Variants in SYT1 observed in about 807,000 individuals in gnomAD.
SYT1 encodes the protein synaptotagmin 1, also known as synaptotagmin-1.
SYT1 carries 8 observed loss-of-function variants against 44.8 expected under a neutral mutation model. That is an observed-to-expected ratio of 0.18 (90% CI 0.10 to 0.32). The LOEUF (loss-of-function observed/expected upper bound fraction) is 0.32. Among genes scored for constraint, SYT1 ranks in the 10% least tolerant of loss-of-function variants. SYT1 has a pLI of 1.00. For missense variants in SYT1, 286 were observed against 509.3 expected, an observed-to-expected ratio of 0.56 and a Z score of 4.22; for synonymous variants, 154 against 188.8, an observed-to-expected ratio of 0.82 and a Z score of 1.51.
intron 8 of SYT1, among the ~76,000 whole-genome samples, chr12:79,350,066 G>A (rs1882820557): frequency 6.6e-6 from 1 of 152,012 alleles, no homozygotes; most frequent in Admixed American, 6.6e-5. Context: ...GTACTGGCAT[G>A]AGTCTTTAAA....
intron 2 of SYT1, among the ~76,000 whole-genome samples, chr12:79,036,896 A>G (rs1475301829): frequency 1.3e-5 from 2 of 151,802 alleles, no homozygotes; most frequent in African/African-American, 4.8e-5. Context: ...TGGAGAATCA[A>G]CTTCTCCCAC....
At chr12:79,167,663 C>G (rs1483584630) in intron 3 of SYT1, among the ~76,000 whole-genome samples, 1 of 151,902 alleles carries the variant, frequency 6.6e-6, no homozygotes, top group Non-Finnish European at 1.5e-5. Context: ...ATGTCAGGGA[C>G]TGAATATTTG....
chr12:79,002,606 T>C (rs903955282), intron 2 of SYT1, among the ~76,000 whole-genome samples: 2 of 152,030 alleles, frequency 1.3e-5, no homozygotes, highest in African/African-American at 4.8e-5. Flanking sequence ...TCATGCTGTT[T>C]TTATTTAAAT....
At chr12:79,233,053 C>T (rs918684227) in intron 4 of SYT1, among the ~76,000 whole-genome samples, 2 of 151,958 alleles carry the variant, frequency 1.3e-5, no homozygotes, top group African/African-American at 2.4e-5. Flanking sequence ...CCTTTCTTTC[C>T]TCCTTGCCCC....
At chr12:78,925,509 T>A (rs1424137262) in intron 1 of SYT1, among the ~76,000 whole-genome samples, 1 of 151,754 alleles carries the variant, frequency 6.6e-6, no homozygotes, top group Non-Finnish European at 1.5e-5. Context: ...GTTCTAGGAG[T>A]TTTTTCCTCC....
intron 9 of SYT1, among the ~76,000 whole-genome samples, chr12:79,362,649 C>T (rs182673900): frequency 7.0e-6 from 1 of 142,910 alleles, no homozygotes; most frequent in Non-Finnish European, 1.5e-5. Context: ...CTAGGAACAG[C>T]GGGACTTTGT....
At chr12:79,238,410 T>A (rs1380908885) in intron 4 of SYT1, among the ~76,000 whole-genome samples, 1 of 152,182 alleles carries the variant, frequency 6.6e-6, no homozygotes, top group Non-Finnish European at 1.5e-5. Context: ...AGAGGGCCAG[T>A]GGATTTAGAG....
At chr12:79,159,367 A>G (rs1870804278) in intron 3 of SYT1, among the ~76,000 whole-genome samples, 1 of 152,170 alleles carries the variant, frequency 6.6e-6, no homozygotes, top group South Asian at 2.1e-4. Flanking sequence ...AGAAGACAGA[A>G]TGGCTGGGAA....
intron 1 of SYT1, among the ~76,000 whole-genome samples, chr12:78,900,273 A>G (rs1052075763): frequency 2.0e-5 from 3 of 152,106 alleles, no homozygotes; most frequent in South Asian, 4.1e-4. Context: ...GCACTCTTCT[A>G]TTACTAATAC....
chr12:79,136,547 CT>C (rs1869203220), intron 3 of SYT1, among the ~76,000 whole-genome samples: 1 of 152,142 alleles, frequency 6.6e-6, no homozygotes, highest in African/African-American at 2.4e-5. Flanking sequence ...CTACATATTA[CT>C]ATTATACTAT....
chr12:79,083,143 G>GA (rs1157056703), intron 3 of SYT1, among the ~76,000 whole-genome samples: 2 of 151,920 alleles, frequency 1.3e-5, no homozygotes, highest in Non-Finnish European at 2.9e-5. Context: ...TTTCATTGAG[G>GA]AAAAAATTAT....
intron 4 of SYT1, among the ~76,000 whole-genome samples, chr12:79,230,797 C>A (rs1356826383): frequency 2.6e-5 from 4 of 152,134 alleles, no homozygotes; most frequent in Non-Finnish European, 4.4e-5. Context: ...AGTTTCTAAA[C>A]TTTATTCAGC....
chr12:79,152,555 G>C (rs1401911406), intron 3 of SYT1, among the ~76,000 whole-genome samples: 1 of 152,066 alleles, frequency 6.6e-6, no homozygotes, highest in Non-Finnish European at 1.5e-5. Flanking sequence ...GGAATATTAT[G>C]TGAGGAATTA....
chr12:79,030,243 G>T (rs981373086), intron 2 of SYT1, among the ~76,000 whole-genome samples: 2 of 150,894 alleles, frequency 1.3e-5, no homozygotes, highest in African/African-American at 2.4e-5. Flanking sequence ...ACCTGAATTT[G>T]CTCTTTGTTG....
At chr12:79,441,344 C>T (rs780457983) in intron 9 of SYT1, among the ~76,000 whole-genome samples, 6 of 152,098 alleles carry the variant, frequency 3.9e-5, no homozygotes, top group Non-Finnish European at 5.9e-5. Context: ...TTGTGAGATT[C>T]TGCCTCTGTT....
chr12:79,252,705 G>A (rs1011713454), intron 4 of SYT1, among the ~76,000 whole-genome samples: 7 of 152,148 alleles, frequency 4.6e-5, no homozygotes, highest in African/African-American at 1.7e-4. Context: ...TAGACCTGTA[G>A]CATGAGTGAG....
intron 1 of SYT1, among the ~76,000 whole-genome samples, chr12:78,936,975 C>A (rs538732021): frequency 1.3e-5 from 2 of 152,160 alleles, no homozygotes; most frequent in Admixed American, 6.6e-5. Context: ...TTAATGATGA[C>A]ATTTCAAAAG....
intron 9 of SYT1, among the ~76,000 whole-genome samples, chr12:79,429,731 G>A (rs141869010): frequency 0.013 from 1,969 of 152,102 alleles, 26 homozygotes; most frequent in Middle Eastern, 0.048. Context: ...GGGTTTCACC[G>A]TGTTAGCCAG....
At position 79,296,087 on chromosome 12, in the gene SYT1, C is replaced by G. The variant is rs748834320; in HGVS notation, c.493C>G (p.Gln165Glu). The G allele has an allele frequency of 6.2e-7, 1 of 1,611,834 alleles. No homozygotes were observed. The highest frequency in any genetic ancestry group is 8.5e-7 in the Non-Finnish European group (1 of 1,179,184). ...QNNQLLVGII[Q>E]AAELPALDMG... ...ATTTCAGCTGCTGGTAGGGATCATTCAGGCTGCCGAACTGCCCGCCTTGGA... is the reference window on the plus strand; with the variant it reads ...ATTTCAGCTGCTGGTAGGGATCATTGAGGCTGCCGAACTGCCCGCCTTGGA... The change falls in exon 7 of 11, where the codon CAG becomes GAG. Residue 165 changes from glutamine to glutamate, a missense_variant. By Grantham distance (29) the Gln-to-Glu change is conservative. Around this residue, in one of 6 missense-constraint regions of SYT1, gnomAD observed 81 missense variants for 164.9 expected, o/e 0.49. Transcript: ENST00000261205.
Sources: allele counts gnomAD v4.1 joint callset (sites outside exome capture counted in the v4.1 genomes callset), GRCh38; gene constraint gnomAD v4.1.1; regional missense constraint gnomAD v4.1.1; transcripts MANE v1.5; gene names NCBI Gene and HGNC (gene_info 2026-07-23, HGNC 2026-07-21).